The following ARB2A variants were observed in gnomAD, a reference collection of about 807,000 sequenced individuals.
ARB2A encodes cotranscriptional regulator ARB2A.
chr5:94,015,190 G>C, the ARB2A span, among the ~76,000 whole-genome samples: 1 of 152,074 alleles, frequency 6.6e-6, no homozygotes, highest in Non-Finnish European at 1.5e-5. Flanking sequence ...TCCAAGTCTG[G>C]CAACAGACTT....
At chr5:93,687,623 T>C in the ARB2A span, among the ~76,000 whole-genome samples, 14 of 152,184 alleles carry the variant, frequency 9.2e-5, no homozygotes, top group Admixed American at 3.3e-4. Flanking sequence ...AAATAGAACG[T>C]ATTATTTTTA....
At chr5:93,994,444 A>T in the ARB2A span, among the ~76,000 whole-genome samples, 14 of 152,352 alleles carry the variant, frequency 9.2e-5, no homozygotes, top group African/African-American at 2.6e-4. Flanking sequence ...GATTTCACTT[A>T]CATGAGGCAT....
chr5:93,869,357 C>G, the ARB2A span, among the ~76,000 whole-genome samples: 2 of 152,168 alleles, frequency 1.3e-5, no homozygotes, highest in African/African-American at 4.8e-5. Flanking sequence ...TTTACAGTTA[C>G]TGTCCAATAT....
At chr5:94,023,620 A>G in the ARB2A span, among the ~76,000 whole-genome samples, 31 of 152,216 alleles carry the variant, frequency 2.0e-4, no homozygotes, top group Non-Finnish European at 4.4e-4. Context: ...ATTCACTACA[A>G]TGATGAATAA....
chr5:93,632,849 A>C, the ARB2A span, among the ~76,000 whole-genome samples: 1 of 152,236 alleles, frequency 6.6e-6, no homozygotes, highest in African/African-American at 2.4e-5. Context: ...AAGGTAGTGA[A>C]TTAAAAAATG....
At chr5:93,992,614 T>A in the ARB2A span, among the ~76,000 whole-genome samples, 1 of 152,066 alleles carries the variant, frequency 6.6e-6, no homozygotes, top group Non-Finnish European at 1.5e-5. Context: ...CTATTTCTTT[T>A]CACTCAAACA....
At chr5:93,720,182 A>T in the ARB2A span, among the ~76,000 whole-genome samples, 1 of 152,206 alleles carries the variant, frequency 6.6e-6, no homozygotes, top group Non-Finnish European at 1.5e-5. Context: ...GTAGATATTA[A>T]AGACGCTTTA....
chr5:93,854,886 T>C, the ARB2A span, among the ~76,000 whole-genome samples: 33 of 152,162 alleles, frequency 2.2e-4, 1 homozygote, highest in African/African-American at 8.0e-4. Flanking sequence ...AACTATGTGG[T>C]CAATTTTGGA....
the ARB2A span, among the ~76,000 whole-genome samples, chr5:93,807,364 G>A: frequency 6.6e-6 from 1 of 151,834 alleles, no homozygotes; most frequent in African/African-American, 2.4e-5. Context: ...TTTATGGTAC[G>A]AAATATATTT....
At chr5:93,851,958 T>G in the ARB2A span, among the ~76,000 whole-genome samples, 58 of 152,042 alleles carry the variant, frequency 3.8e-4, no homozygotes, top group East Asian at 1.5e-3. Context: ...TAGTCCTTTG[T>G]GTATATACCC....
At chr5:93,702,824 C>G in the ARB2A span, among the ~76,000 whole-genome samples, 1 of 152,106 alleles carries the variant, frequency 6.6e-6, no homozygotes, top group African/African-American at 2.4e-5. Context: ...TTAAAGTTCA[C>G]AGATATTTTC....
the ARB2A span, among the ~76,000 whole-genome samples, chr5:93,677,215 T>G: frequency 3.3e-5 from 5 of 152,116 alleles, no homozygotes; most frequent in Admixed American, 6.5e-5. Context: ...ATAACAAAGT[T>G]TGAAAAGTGG....
At chr5:93,906,122 C>T in the ARB2A span, among the ~76,000 whole-genome samples, 1 of 151,452 alleles carries the variant, frequency 6.6e-6, no homozygotes, top group Non-Finnish European at 1.5e-5. Context: ...TTCTGTTTTA[C>T]ATTTCATATT....
the ARB2A span, among the ~76,000 whole-genome samples, chr5:93,710,679 A>T: frequency 6.6e-6 from 1 of 152,234 alleles, no homozygotes; most frequent in Admixed American, 6.5e-5. Flanking sequence ...ATAAGGAACC[A>T]ATGTATTTTT....
chr5:93,908,878 C>A, the ARB2A span, among the ~76,000 whole-genome samples: 1 of 150,714 alleles, frequency 6.6e-6, no homozygotes, highest in Non-Finnish European at 1.5e-5. Flanking sequence ...AACTTTCCTC[C>A]ATGTTTAAAA....
chr5:93,710,449 C>G, the ARB2A span, among the ~76,000 whole-genome samples: 11 of 152,116 alleles, frequency 7.2e-5, no homozygotes, highest in Non-Finnish European at 1.5e-4. Flanking sequence ...AAAATGATGA[C>G]TGAATCATGT....
chr5:93,918,110 TATAAAA>T, the ARB2A span, among the ~76,000 whole-genome samples: 3 of 152,196 alleles, frequency 2.0e-5, no homozygotes, highest in African/African-American at 4.8e-5. Flanking sequence ...CCTAAGTTTA[TATAAAA>T]ATAATCTCCT....
chr5:93,705,651 G>GTGTGTA, the ARB2A span, among the ~76,000 whole-genome samples: 186 of 132,928 alleles, frequency 1.4e-3, 1 homozygote, highest in African/African-American at 4.6e-3. Flanking sequence ...GTGTGTGTGT[G>GTGTGTA]TATATATATA....
chr5:94,080,387 C>T, the ARB2A span, among the ~76,000 whole-genome samples: 3 of 152,254 alleles, frequency 2.0e-5, no homozygotes, highest in Non-Finnish European at 2.9e-5. Flanking sequence ...AACACATTTG[C>T]AAAATCGGTA....
Sources: gnomAD v4.1 joint callset for allele counts (sites outside exome capture counted in the v4.1 genomes callset) on GRCh38, gnomAD v4.1.1 for gene constraint, MANE v1.5 for transcripts, NCBI Gene and HGNC (gene_info 2026-07-23, HGNC 2026-07-21) for gene names.